FRMD3: variants seen among roughly 807,000 people sequenced by gnomAD.
The protein encoded by FRMD3 is FERM domain-containing protein 3.
A neutral mutation model predicts 70.2 loss-of-function variants in FRMD3; 33 were observed. That is an observed-to-expected ratio of 0.47 (90% CI 0.36 to 0.63). FRMD3 has a LOEUF of 0.63. Ranked by LOEUF, FRMD3 falls within the 20% of genes least tolerant of loss-of-function variation. The pLI, the probability that FRMD3 is intolerant of heterozygous loss-of-function variation, is 0.00. For missense variants in FRMD3, 632 were observed against 711.4 expected (o/e 0.89, Z 1.27); for synonymous variants, 279 against 255.9 (o/e 1.09, Z -0.86).
chr9:83,384,933 T>A (rs1825468984), intron 2 of FRMD3, among the ~76,000 whole-genome samples: 1 of 152,126 alleles, frequency 6.6e-6, no homozygotes, highest in Non-Finnish European at 1.5e-5. Context: ...CTAGTGTAAT[T>A]CTTCCTCTGG....
chr9:83,389,941 G>A (rs1224862618), intron 1 of FRMD3, among the ~76,000 whole-genome samples: 1 of 151,856 alleles, frequency 6.6e-6, no homozygotes, highest in Non-Finnish European at 1.5e-5. Flanking sequence ...GAACCAAAAG[G>A]ACCCCAAAAA....
intron 13 of FRMD3, among the ~76,000 whole-genome samples, chr9:83,288,192 T>C (rs534987992): frequency 6.6e-6 from 1 of 152,338 alleles, no homozygotes; most frequent in South Asian, 2.1e-4. Flanking sequence ...CTTCTCTTTA[T>C]AAATCTGAGA....
intron 1 of FRMD3, among the ~76,000 whole-genome samples, chr9:83,452,383 GA>G (rs1325222441): frequency 6.6e-6 from 1 of 151,526 alleles, no homozygotes; most frequent in South Asian, 2.1e-4. Flanking sequence ...ACGTAAAAAA[GA>G]AAAAAAATTA....
intron 1 of FRMD3, among the ~76,000 whole-genome samples, chr9:83,434,632 G>A (rs886460211): frequency 6.6e-6 from 1 of 152,110 alleles, no homozygotes; most frequent in Non-Finnish European, 1.5e-5. Flanking sequence ...AGGAGACACA[G>A]CCCATGCTTA....
intron 1 of FRMD3, among the ~76,000 whole-genome samples, chr9:83,437,369 C>T (rs1390318815): frequency 6.6e-6 from 1 of 152,148 alleles, no homozygotes; most frequent in Non-Finnish European, 1.5e-5. Context: ...ATAGACTTAC[C>T]ATAAACCAGC....
At chr9:83,516,677 C>T (rs1829462446) in intron 1 of FRMD3, among the ~76,000 whole-genome samples, 1 of 152,204 alleles carries the variant, frequency 6.6e-6, no homozygotes, top group South Asian at 2.1e-4. Context: ...ACATTCTTCT[C>T]AGCACCACAT....
At chr9:83,575,770 G>A in the FRMD3 span, among the ~76,000 whole-genome samples, 6 of 152,264 alleles carry the variant, frequency 3.9e-5, no homozygotes, top group Non-Finnish European at 5.9e-5. Flanking sequence ...TTAAACTTCC[G>A]ACGAGGAAAA....
At chr9:83,419,536 CTGAG>C (rs1212302438) in intron 1 of FRMD3, among the ~76,000 whole-genome samples, 2 of 145,036 alleles carry the variant, frequency 1.4e-5, no homozygotes, top group Admixed American at 6.9e-5. Flanking sequence ...TTCATGTGTG[CTGAG>C]TGTGTGATAT....
chr9:83,427,729 G>GAA (rs34625122), intron 1 of FRMD3, among the ~76,000 whole-genome samples: 2,026 of 150,440 alleles, frequency 0.013, 34 homozygotes, highest in African/African-American at 0.046. Flanking sequence ...GATGAATCTA[G>GAA]AAAAAAAAAT....
At chr9:83,551,609 C>G in the FRMD3 span, among the ~76,000 whole-genome samples, 1 of 151,906 alleles carries the variant, frequency 6.6e-6, no homozygotes, top group South Asian at 2.1e-4. Flanking sequence ...AGGTCCCAAG[C>G]TTTTTTTGCT....
At chr9:83,488,538 T>C (rs1388634230) in intron 1 of FRMD3, among the ~76,000 whole-genome samples, 1 of 152,212 alleles carries the variant, frequency 6.6e-6, no homozygotes, top group Non-Finnish European at 1.5e-5. Flanking sequence ...GCCTACAATA[T>C]AGAAAAGGGG....
intron 1 of FRMD3, among the ~76,000 whole-genome samples, chr9:83,445,878 T>C (rs1435816783): frequency 6.6e-6 from 1 of 152,216 alleles, no homozygotes; most frequent in Non-Finnish European, 1.5e-5. Context: ...AACCAAAGCC[T>C]AAGAGTCTGT....
intron 1 of FRMD3, among the ~76,000 whole-genome samples, chr9:83,523,118 G>C (rs1030889965): frequency 1.3e-5 from 2 of 152,078 alleles, no homozygotes; most frequent in Non-Finnish European, 2.9e-5. Flanking sequence ...CCCCAACAGA[G>C]GTATTCAATA....
chr9:83,502,285 C>T (rs1293606135), intron 1 of FRMD3, among the ~76,000 whole-genome samples: 1 of 152,158 alleles, frequency 6.6e-6, no homozygotes, highest in African/African-American at 2.4e-5. Context: ...GAGAAGGTTC[C>T]TGCCTTTTTG....
At chr9:83,303,188 C>G (rs1415974021) in intron 10 of FRMD3, among the ~76,000 whole-genome samples, 1 of 152,196 alleles carries the variant, frequency 6.6e-6, no homozygotes. Context: ...ATAACAATAA[C>G]AGCATTTACT....
chr9:83,373,533 A>G (rs1825046307), intron 2 of FRMD3, among the ~76,000 whole-genome samples: 1 of 152,180 alleles, frequency 6.6e-6, no homozygotes, highest in Non-Finnish European at 1.5e-5. Context: ...CAGCTCTATC[A>G]CAAAATAAAG....
intron 13 of FRMD3, among the ~76,000 whole-genome samples, chr9:83,257,519 GA>G (rs1832769691): frequency 6.6e-6 from 1 of 151,966 alleles, no homozygotes; most frequent in Non-Finnish European, 1.5e-5. Context: ...ATTAAAAGTT[GA>G]GGGGGAAAAA....
At chr9:83,401,377 AG>A (rs1825946291) in intron 1 of FRMD3, among the ~76,000 whole-genome samples, 1 of 152,228 alleles carries the variant, frequency 6.6e-6, no homozygotes, top group African/African-American at 2.4e-5. Flanking sequence ...AAGGTACTAT[AG>A]AGATAATCTT....
At chr9:83,365,257 T>C (rs1366408488) in intron 3 of FRMD3, among the ~76,000 whole-genome samples, 1 of 152,232 alleles carries the variant, frequency 6.6e-6, no homozygotes, top group East Asian at 1.9e-4. Flanking sequence ...ACTGACTTTA[T>C]TAAGAATATT....
Sources: allele counts gnomAD v4.1 joint callset (sites outside exome capture counted in the v4.1 genomes callset), GRCh38; gene constraint gnomAD v4.1.1; transcripts MANE v1.5; gene names NCBI Gene and HGNC (gene_info 2026-07-23, HGNC 2026-07-21).